NRXN3: variants seen among roughly 807,000 people sequenced by gnomAD.
NRXN3 encodes the protein neurexin III.
Under a neutral mutation model 137.6 loss-of-function variants are expected in NRXN3, and 32 were observed. That is an observed-to-expected ratio of 0.23 (90% CI 0.18 to 0.31). The LOEUF (loss-of-function observed/expected upper bound fraction) is 0.31. Ranked by LOEUF, NRXN3 falls within the 10% of genes least tolerant of loss-of-function variation. The pLI is 1.00. For synonymous variants in NRXN3, 798 were observed against 784.5 expected (o/e 1.02, Z -0.29); for missense variants, 1,574 against 2,062.5 (o/e 0.76, Z 4.59).
chr14:79,202,051 C>T (rs1484426108), intron 15 of NRXN3, among the ~76,000 whole-genome samples: 1 of 151,670 alleles, frequency 6.6e-6, no homozygotes, highest in East Asian at 1.9e-4. Context: ...CTTGAGTAAT[C>T]TGAGGAATGA....
chr14:78,243,729 C>T lies in NRXN3; in HGVS notation c.636C>T (p.Ile212=). The T allele has an allele frequency of 2.5e-6, 4 of 1,598,278 alleles. No individual in the cohort carries two copies. Among genetic ancestry groups the T allele is most frequent in the Non-Finnish European group, 3.4e-6 (4 of 1,179,736 alleles). The change falls in exon 2 of 21, where the codon ATC becomes ATT. Residue 212 remains isoleucine (I), a synonymous_variant. Transcript: ENST00000335750. The surrounding 1 kb of genome is among the most constrained non-coding windows in gnomAD (Gnocchi z 4.2). The part of the protein sequence containing the change: ...CGERPCENGG[I]CFLLDGHPTC... ...AGCGTCCCTGTGAAAATGGTGGGAT[C>T]TGCTTTCTCCTGGACGGCCACCCCA...
intron 4 of NRXN3, among the ~76,000 whole-genome samples, chr14:78,343,526 A>G (rs1043344782): frequency 5.9e-5 from 9 of 152,196 alleles, no homozygotes; most frequent in African/African-American, 2.2e-4. Context: ...GTACTTTCAA[A>G]TGATTTTATT....
chr14:79,299,923 T>G (rs1187931937), intron 15 of NRXN3, among the ~76,000 whole-genome samples: 2 of 152,090 alleles, frequency 1.3e-5, no homozygotes, highest in Admixed American at 6.6e-5. Flanking sequence ...CCATTCAGCA[T>G]GTATGCATTG....
rs547394231 is a variant in NRXN3 at position 79,490,584 on chromosome 14, C to T, written c.3444+23182C>T. On this transcript the variant is annotated intron_variant, in intron 16 of 20. Transcript: ENST00000335750. The stretch of plus-strand genomic sequence containing the variant: ...CAAGCACAGAGAGACAAATATCATA[C>T]GTTCTTACATATTTGTGGGATCTGA... 1.5e-4 allele frequency among the ~76,000 whole-genome samples: 23 copies of T among 150,924 alleles called. 1 individual carries two copies. Among genetic ancestry groups the T allele is most frequent in the South Asian group, 6.3e-4 (3 of 4,788 alleles).
intron 15 of NRXN3, among the ~76,000 whole-genome samples, chr14:79,110,543 C>T (rs1261373709): frequency 6.6e-6 from 1 of 152,184 alleles, no homozygotes; most frequent in Non-Finnish European, 1.5e-5. Flanking sequence ...GTAGTAGAAA[C>T]TTAATAAATA....
intron 1 of NRXN3, among the ~76,000 whole-genome samples, chr14:78,213,874 T>C (rs923181961): frequency 1.3e-5 from 2 of 152,186 alleles, no homozygotes; most frequent in Non-Finnish European, 2.9e-5. Flanking sequence ...TATAGTGAAC[T>C]GTTGTCTGTT....
intron 8 of NRXN3, among the ~76,000 whole-genome samples, chr14:78,786,090 A>G (rs1006356996): frequency 3.9e-5 from 6 of 152,182 alleles, no homozygotes; most frequent in Non-Finnish European, 5.9e-5. Flanking sequence ...CAGCCATTAC[A>G]TAATGTGACT....
chr14:79,668,905 C>T (rs936430223), intron 17 of NRXN3, among the ~76,000 whole-genome samples: 2 of 152,006 alleles, frequency 1.3e-5, no homozygotes, highest in Admixed American at 1.3e-4. Flanking sequence ...GTAATTTAGA[C>T]AGTATACATC....
chr14:78,450,780 C>T (rs183439327), intron 4 of NRXN3, among the ~76,000 whole-genome samples: 2 of 152,258 alleles, frequency 1.3e-5, no homozygotes, highest in East Asian at 3.9e-4. Context: ...CCAAAATGAT[C>T]TATTTGGAAG....
chr14:78,202,553 C>T (rs1363714576), intron 1 of NRXN3, among the ~76,000 whole-genome samples: 3 of 152,124 alleles, frequency 2.0e-5, no homozygotes, highest in Non-Finnish European at 4.4e-5. Flanking sequence ...GAAAGTCCCT[C>T]CTAGGTCTGT....
chr14:79,023,118 T>TC (rs1025014999), intron 15 of NRXN3, among the ~76,000 whole-genome samples: 1 of 151,366 alleles, frequency 6.6e-6, no homozygotes, highest in African/African-American at 2.4e-5. Flanking sequence ...CTTTTTTTTT[T>TC]TTTTTTAACT....
chr14:79,455,365 G>C (rs763047351), intron 15 of NRXN3, among the ~76,000 whole-genome samples: 4 of 152,158 alleles, frequency 2.6e-5, no homozygotes, highest in South Asian at 2.1e-4. Flanking sequence ...TTTGCAGGGG[G>C]ATCATAGGCA....
At chr14:78,865,914 A>T (rs2099085540) in intron 10 of NRXN3, among the ~76,000 whole-genome samples, 1 of 152,178 alleles carries the variant, frequency 6.6e-6, no homozygotes, top group Non-Finnish European at 1.5e-5. Context: ...GAAATAGAAC[A>T]TTATTGTTAA....
chr14:79,827,943 G>A (rs368043165), intron 20 of NRXN3, among the ~76,000 whole-genome samples: 7 of 152,020 alleles, frequency 4.6e-5, no homozygotes, highest in African/African-American at 1.2e-4. Context: ...TGATTTGCCC[G>A]CCTTGGTCAA....
In NRXN3 at chr14:78,188,184, CT is replaced by C. The variant is rs545588692; in HGVS notation, c.-704+17511del. ...GACTGCAGGATTCAAGGTTTTTCCC[CT>C]ATAGGATACTTGTGTTTAGAAAAAG... On this transcript the variant is annotated intron_variant, in intron 1 of 20. Transcript: ENST00000335750. Among the ~76,000 whole-genome samples, 207 of 152,244 alleles carry C rather than the reference CT, an allele frequency of 1.4e-3. 1 individual carries two copies. The highest frequency in any genetic ancestry group is 4.8e-3 in the African/African-American group (200 of 41,524).
At chr14:78,523,971 T>G (rs760223494) in intron 4 of NRXN3, among the ~76,000 whole-genome samples, 4 of 152,142 alleles carry the variant, frequency 2.6e-5, no homozygotes, top group Non-Finnish European at 5.9e-5. Context: ...CAGTGCGTCC[T>G]TTCACTACAA....
chr14:78,661,444 T>C (rs1308294468), intron 6 of NRXN3, among the ~76,000 whole-genome samples: 1 of 152,184 alleles, frequency 6.6e-6, no homozygotes, highest in African/African-American at 2.4e-5. Context: ...TGGGCCCTGA[T>C]TAAGTGGATT....
At chr14:78,468,678 T>C (rs1320414152) in intron 4 of NRXN3, among the ~76,000 whole-genome samples, 1 of 152,216 alleles carries the variant, frequency 6.6e-6, no homozygotes, top group African/African-American at 2.4e-5. Flanking sequence ...TGAGAGAAGC[T>C]ACAAACTCAA....
intron 4 of NRXN3, among the ~76,000 whole-genome samples, chr14:78,349,436 G>A (rs886483179): frequency 1.3e-5 from 2 of 152,212 alleles, no homozygotes; most frequent in Admixed American, 1.3e-4. Flanking sequence ...AATGTGGAAT[G>A]AGTGTCAGCA....
Sources: allele counts gnomAD v4.1 joint callset (sites outside exome capture counted in the v4.1 genomes callset), GRCh38; gene constraint gnomAD v4.1.1; non-coding constraint Gnocchi (gnomAD v3.1); transcripts MANE v1.5; gene names NCBI Gene and HGNC (gene_info 2026-07-23, HGNC 2026-07-21).